The following ITIH5 variants were observed in gnomAD, a reference collection of about 807,000 sequenced individuals.
The protein encoded by ITIH5 is inter-alpha-trypsin inhibitor heavy chain 5.
A neutral mutation model predicts 77.5 loss-of-function variants in ITIH5; 65 were observed. The observed-to-expected ratio is 0.84, with a 90% CI of 0.69 to 1.03. ITIH5 has a LOEUF of 1.03. ITIH5 is among the 50% of genes least tolerant of loss of function. The pLI, the probability that ITIH5 is intolerant of heterozygous loss-of-function variation, is 0.00. For missense variants in ITIH5, 1,208 were observed against 1,213.1 expected (o/e 1.00, Z 0.06); for synonymous variants, 525 against 494.3 (o/e 1.06, Z -0.82).
intron 5 of ITIH5, among the ~76,000 whole-genome samples, chr10:7,629,323 ATGT>A (rs1833667675): frequency 3.2e-5 from 2 of 61,952 alleles, no homozygotes; most frequent in Non-Finnish European, 6.4e-5. Context: ...GCGTGTGCCC[ATGT>A]TGTAGCGTGT....
intron 5 of ITIH5, among the ~76,000 whole-genome samples, chr10:7,625,400 G>C (rs533234140): frequency 6.6e-5 from 10 of 152,128 alleles, no homozygotes; most frequent in African/African-American, 2.2e-4. Context: ...GTTTCAGTTT[G>C]GGAGATGGAA....
Position 7,631,185 on chromosome 10 carries a change from T to C in ITIH5, c.652+6043A>G, listed in dbSNP as rs545294173. Among the ~76,000 whole-genome samples, 8 of 152,340 alleles carry C rather than the reference T, an allele frequency of 5.3e-5. No individual in the cohort carries two copies. The East Asian group carries it at 1.5e-3, about 29-fold the overall frequency. On this transcript the variant is annotated intron_variant, in intron 5 of 13. Transcript: ENST00000397146. ...CTTCTTAATAAAAAATACTGACACT[T>C]AGTTTCCATCGGCAGCTATTTGATT... is the stretch of plus-strand genomic sequence containing the variant.
rs539191742 is a variant in ITIH5, at chr10:7,615,986, C to T, written c.935G>A (p.Arg312Gln). The T allele has an allele frequency of 8.2e-6, 13 of 1,584,144 alleles. No individual in the cohort carries two copies. The highest frequency in any genetic ancestry group is 1.7e-5 in the Admixed American group (1 of 59,924). ...SSASMVGTKLRQTKDALFTIL... is the reference protein window; with the variant it reads ...SSASMVGTKLQQTKDALFTIL... ...GGGCGGTTGGCACTCACTCACCTGC[C>T]GGAGTTTGGTTCCCACCATAGAAGC... Residue 312 changes from arginine (R) to glutamine (Q), a missense_variant, in exon 7 of 14, where the codon CGG becomes CAG. By Grantham distance (43) the Arg-to-Gln change is conservative (BLOSUM62 1). Coordinates refer to ENST00000397146, the MANE Select transcript of ITIH5 (RefSeq NM_030569.7).
intron 4 of ITIH5, among the ~76,000 whole-genome samples, chr10:7,637,952 A>T (rs1376851168): frequency 6.6e-6 from 1 of 152,196 alleles, no homozygotes; most frequent in Non-Finnish European, 1.5e-5. Flanking sequence ...GGAATAAAGG[A>T]CTCCAAAGCT....
rs571309400 is a variant in ITIH5 at position 7,612,016 on chromosome 10, T to C, written c.939+3966A>G. On this transcript the variant is annotated intron_variant, in intron 7 of 13. Transcript: ENST00000397146. ...AGCCTAGTAACAGTTTTAAATGTTA[T>C]AAATTGGCACAGACTTTTTAGAAAA... Among the ~76,000 whole-genome samples the C allele has an allele frequency of 5.3e-5, 8 of 152,092 alleles. No individual in the cohort carries two copies. The South Asian group carries it at 1.7e-3, about 32-fold the overall frequency.
intron 8 of ITIH5, among the ~76,000 whole-genome samples, chr10:7,583,477 C>T (rs1356307252): frequency 1.3e-5 from 2 of 152,122 alleles, no homozygotes; most frequent in African/African-American, 2.4e-5. Context: ...GGACTACAGG[C>T]GCAAGCTACC....
At chr10:7,577,324 T>C (rs1286388248) in intron 9 of ITIH5, among the ~76,000 whole-genome samples, 5 of 152,190 alleles carry the variant, frequency 3.3e-5, no homozygotes, top group African/African-American at 1.2e-4. Context: ...TGGTTTCAGT[T>C]TTGCCTCTGG....
chr10:7,637,456 T>C lies in ITIH5; in HGVS notation c.424A>G (p.Arg142Gly). Reference protein sequence around the residue: ...ENGEKGTEIFRASAVIPSKDK... With the variant: ...ENGEKGTEIFGASAVIPSKDK... The stretch of plus-strand genomic sequence containing the variant: ...TTGCTGGGAATCACTGCAGAAGCTC[T>C]GAATATTTCAGTCCCCTTCTCTCTG... Residue 142 changes from arginine to glycine, a missense_variant, in exon 5 of 14, where the codon AGA becomes GGA. Coordinates refer to ENST00000397146, the MANE Select transcript of ITIH5 (RefSeq NM_030569.7). 1 of 1,614,060 alleles carries C rather than the reference T, an allele frequency of 6.2e-7. No homozygotes were observed. Among genetic ancestry groups the C allele is most frequent in the Non-Finnish European group, 8.5e-7 (1 of 1,179,960 alleles).
At chr10:7,563,478 C>T (rs1409567996) in intron 13 of ITIH5, 94 bp from the exon 14 acceptor site, 1 of 1,133,460 alleles carries the variant, frequency 8.8e-7, no homozygotes, top group East Asian at 2.5e-5. Context: ...GAAAGGCTTA[C>T]AACTGGCCAC....
intron 13 of ITIH5, among the ~76,000 whole-genome samples, chr10:7,565,537 TATC>T (rs1375648208): frequency 1.3e-5 from 2 of 149,830 alleles, no homozygotes; most frequent in African/African-American, 2.4e-5. Context: ...TATACATACT[TATC>T]AGTCTGTGTA....
At chr10:7,569,010 CTTTTTTTTTTT>C (rs5782983) in intron 12 of ITIH5, among the ~76,000 whole-genome samples, 1 of 71,596 alleles carries the variant, frequency 1.4e-5, no homozygotes, top group African/African-American at 5.0e-5. Flanking sequence ...TTTTCTTTTT[CTTTTTTTTTTT>C]TTTTTTTTTT....
intron 13 of ITIH5, among the ~76,000 whole-genome samples, chr10:7,564,400 T>C (rs1389442493): frequency 6.6e-6 from 1 of 152,234 alleles, no homozygotes; most frequent in East Asian, 1.9e-4. Flanking sequence ...TTTTAATCAA[T>C]GATGGACTGA....
intron 5 of ITIH5, chr10:7,620,880 T>G (rs1536492): frequency 6.6e-6 from 1 of 151,986 alleles, no homozygotes; most frequent in African/African-American, 2.4e-5. Context: ...ACCCATCCCA[T>G]TAGAAGGGCT....
At chr10:7,586,123 T>A in intron 7 of ITIH5, 54 bp from the exon 8 acceptor site, 17 of 1,512,354 alleles carry the variant, frequency 1.1e-5, no homozygotes, top group Non-Finnish European at 1.5e-5. Flanking sequence ...AGTCCACTTG[T>A]CCCCTGTTCT....
At chr10:7,663,826 G>A (rs1020841325) in intron 1 of ITIH5, among the ~76,000 whole-genome samples, 1 of 152,108 alleles carries the variant, frequency 6.6e-6, no homozygotes, top group East Asian at 1.9e-4. Flanking sequence ...ACCACATGGA[G>A]TACTCAACCA....
Position 7,637,214 on chromosome 10 carries a change from C to T in ITIH5, c.652+14G>A. 1 of 1,601,674 alleles carries T rather than the reference C, an allele frequency of 6.2e-7. No individual in the cohort carries two copies. Among genetic ancestry groups the T allele is most frequent in the Non-Finnish European group, 8.5e-7 (1 of 1,178,140 alleles). ...TCACCACAGATCTGCACGAACCCAG[C>T]ACGCAGGACTCACCTTCCCCGCGCC... is the stretch of plus-strand genomic sequence containing the variant. On this transcript the variant is annotated intron_variant, in intron 5 of 13. Coordinates refer to ENST00000397146, the MANE Select transcript of ITIH5 (RefSeq NM_030569.7).
At chr10:7,595,793 G>T (rs1468393984) in intron 7 of ITIH5, among the ~76,000 whole-genome samples, 1 of 152,136 alleles carries the variant, frequency 6.6e-6, no homozygotes, top group Non-Finnish European at 1.5e-5. Context: ...CGGATCATGA[G>T]GTCAGGAGAT....
At position 7,644,359 on chromosome 10, in the gene ITIH5, A is replaced by G. The variant is rs897270918; in HGVS notation, c.136-2269T>C. On this transcript the variant is annotated intron_variant, in intron 2 of 13. Transcript: ENST00000397146. ...ATATCACATATATCACATATATATC[A>G]TATATATCACATATATATCACATAT... Among the ~76,000 whole-genome samples the G allele has an allele frequency of 2.0e-5, 3 of 147,172 alleles. No individual in the cohort carries two copies. The Admixed American group carries it at 2.1e-4, about 10-fold the overall frequency.
chr10:7,664,546 A>G (rs554241414), intron 1 of ITIH5, among the ~76,000 whole-genome samples: 1 of 152,258 alleles, frequency 6.6e-6, no homozygotes, highest in Admixed American at 6.5e-5. Flanking sequence ...GACTTTTTCC[A>G]CCCCAAGGGT....
Sources: gnomAD v4.1 joint callset for allele counts (sites outside exome capture counted in the v4.1 genomes callset) on GRCh38, gnomAD v4.1.1 for gene constraint, MANE v1.5 for transcripts, NCBI Gene and HGNC (gene_info 2026-07-23, HGNC 2026-07-21) for gene names.